PRKN: variants seen among roughly 807,000 people sequenced by gnomAD.
PRKN encodes parkin RBR E3 ubiquitin protein ligase, also known as E3 ubiquitin-protein ligase parkin.
A neutral mutation model predicts 59.5 loss-of-function variants in PRKN; 56 were observed. That is an observed-to-expected ratio of 0.94 (90% CI 0.76 to 1.18). The LOEUF is 1.18. PRKN is among the 50% of genes most tolerant of loss of function. The pLI is 0.00. For synonymous variants in PRKN, 250 were observed against 222.1 expected, an observed-to-expected ratio of 1.13 and a Z score of -1.12; for missense variants, 657 against 596.4, an observed-to-expected ratio of 1.10 and a Z score of -1.06.
intron 3 of PRKN, among the ~76,000 whole-genome samples, chr6:162,223,525 G>C (rs1778024778): frequency 6.6e-6 from 1 of 151,592 alleles, no homozygotes; most frequent in Non-Finnish European, 1.5e-5. Context: ...TCTACAGGCT[G>C]GTATTTGACT....
At chr6:162,099,164 T>G (rs568903756) in intron 4 of PRKN, among the ~76,000 whole-genome samples, 1 of 152,300 alleles carries the variant, frequency 6.6e-6, no homozygotes, top group East Asian at 1.9e-4. Flanking sequence ...TCCTTTAAAT[T>G]CAGCTTGAGG....
chr6:161,946,414 A>ACTCTCTCT (rs61537965), intron 6 of PRKN, among the ~76,000 whole-genome samples: 40 of 114,438 alleles, frequency 3.5e-4, no homozygotes, highest in East Asian at 2.7e-3. Flanking sequence ...ACACACACAC[A>ACTCTCTCT]CTCTCTCTCT....
chr6:161,740,524 C>T (rs999055574), intron 7 of PRKN, among the ~76,000 whole-genome samples: 2 of 152,236 alleles, frequency 1.3e-5, no homozygotes, highest in African/African-American at 2.4e-5. Context: ...GCACTGCTCC[C>T]ATGTAGGTGG....
chr6:161,610,707 G>C (rs1782457064), intron 7 of PRKN, among the ~76,000 whole-genome samples: 1 of 152,080 alleles, frequency 6.6e-6, no homozygotes, highest in African/African-American at 2.4e-5. Flanking sequence ...GGGTGGTCCA[G>C]GGAGGATGTG....
chr6:161,652,759 T>A (rs1784196756), intron 7 of PRKN, among the ~76,000 whole-genome samples: 1 of 152,228 alleles, frequency 6.6e-6, no homozygotes, highest in South Asian at 2.1e-4. Context: ...AATTACTTAT[T>A]GCATGCTAGA....
At chr6:161,893,598 T>G (rs1040965830) in intron 6 of PRKN, among the ~76,000 whole-genome samples, 1 of 152,194 alleles carries the variant, frequency 6.6e-6, no homozygotes, top group Non-Finnish European at 1.5e-5. Context: ...AGCCTCAGTT[T>G]CTACATGTAA....
intron 2 of PRKN, among the ~76,000 whole-genome samples, chr6:162,388,695 G>A (rs1245719889): frequency 3.9e-5 from 6 of 152,106 alleles, no homozygotes; most frequent in African/African-American, 1.2e-4. Flanking sequence ...TACTGTGCTC[G>A]GGGAGGGACA....
chr6:161,790,140 G>C (rs555039146), intron 6 of PRKN, among the ~76,000 whole-genome samples: 1 of 152,314 alleles, frequency 6.6e-6, no homozygotes, highest in South Asian at 2.1e-4. Flanking sequence ...GAATTATTGA[G>C]TCAGGATGGA....
rs1253390537 is a variant in PRKN at position 161,376,427 on chromosome 6, C to T, written c.1167+10367G>A. 6.6e-6 allele frequency among the ~76,000 whole-genome samples: 1 copy of T among 152,224 alleles called. No individual in the cohort carries two copies. ...TCCAGCCAATGGCACCACCATCGTT[C>T]TAAGCTAGACATTCATGCATCAACA... On this transcript the variant is annotated intron_variant, in intron 10 of 11. Coordinates refer to ENST00000366898, the MANE Select transcript of PRKN (RefSeq NM_004562.3). The surrounding 1 kb of genome is among the most constrained non-coding windows in gnomAD (Gnocchi z 7.3).
At chr6:161,597,605 C>A (rs1781961298) in intron 7 of PRKN, among the ~76,000 whole-genome samples, 1 of 150,206 alleles carries the variant, frequency 6.7e-6, no homozygotes, top group Non-Finnish European at 1.5e-5. Context: ...GCCCTCCACC[C>A]CCGACTCTCT....
At chr6:161,421,992 T>C (rs1231448854) in intron 9 of PRKN, among the ~76,000 whole-genome samples, 1 of 152,158 alleles carries the variant, frequency 6.6e-6, no homozygotes, top group African/African-American at 2.4e-5. Flanking sequence ...TGGATTTCTA[T>C]GTAGCATTTC....
chr6:162,591,493 T>C (rs960706499), intron 1 of PRKN, among the ~76,000 whole-genome samples: 18 of 152,154 alleles, frequency 1.2e-4, no homozygotes, highest in African/African-American at 2.4e-5. Flanking sequence ...CAAGTATTCT[T>C]AAACGATGCA....
At chr6:162,635,411 T>C (rs1777671464) in intron 1 of PRKN, among the ~76,000 whole-genome samples, 1 of 152,234 alleles carries the variant, frequency 6.6e-6, no homozygotes, top group Non-Finnish European at 1.5e-5. Flanking sequence ...ATCACCAATG[T>C]GATTATATGG....
intron 7 of PRKN, among the ~76,000 whole-genome samples, chr6:161,765,900 C>A (rs914884693): frequency 6.6e-6 from 1 of 152,136 alleles, no homozygotes; most frequent in Non-Finnish European, 1.5e-5. Flanking sequence ...TAGGGAGTAA[C>A]AAATCAAAAA....
rs139222571 is a variant in PRKN, at chr6:161,458,295, G to A, written c.1084-71418C>T. Reference sequence around the variant, plus strand: ...AATCATGATCATTATTGGAGAATATGATTGAAATTTTAATTATTAAGTAGG... The same window carrying A: ...AATCATGATCATTATTGGAGAATATAATTGAAATTTTAATTATTAAGTAGG... On this transcript the variant is annotated intron_variant, in intron 9 of 11. Coordinates refer to ENST00000366898, the MANE Select transcript of PRKN (RefSeq NM_004562.3). This position sits in a 1 kb window ranked among gnomAD's most constrained non-coding sequence, Gnocchi z 6.1. Among the ~76,000 whole-genome samples the A allele has an allele frequency of 3.7e-4, 57 of 152,196 alleles. No homozygotes were observed. Among genetic ancestry groups the A allele is most frequent in the African/African-American group, 1.3e-3 (56 of 41,534 alleles).
chr6:162,548,900 C>T (rs1478739426), intron 1 of PRKN, among the ~76,000 whole-genome samples: 1 of 152,142 alleles, frequency 6.6e-6, no homozygotes, highest in Admixed American at 6.5e-5. Flanking sequence ...CCTTATCTTC[C>T]TGCTGACTAA....
intron 2 of PRKN, among the ~76,000 whole-genome samples, chr6:162,340,147 T>TA (rs11355851): frequency 0.1 from 14,573 of 144,484 alleles, 1,703 homozygotes; most frequent in African/African-American, 0.28. Flanking sequence ...AAAAATAAAT[T>TA]AAAAAAAAAA....
chr6:162,228,748 T>C (rs1441322646), intron 3 of PRKN, among the ~76,000 whole-genome samples: 4 of 152,170 alleles, frequency 2.6e-5, no homozygotes, highest in Admixed American at 2.6e-4. Context: ...CAGAGTCCAA[T>C]ATTGCACTTT....
chr6:162,387,547 CACACACACAGAGAGAG>C (rs1296923213), intron 2 of PRKN, among the ~76,000 whole-genome samples: 7 of 75,868 alleles, frequency 9.2e-5, no homozygotes, highest in Non-Finnish European at 1.4e-4. Context: ...CACACACACA[CACACACACAGAGAGAG>C]AGAGAGAGAG....
Sources: allele counts gnomAD v4.1 joint callset (sites outside exome capture counted in the v4.1 genomes callset), GRCh38; gene constraint gnomAD v4.1.1; non-coding constraint Gnocchi (gnomAD v3.1); transcripts MANE v1.5; gene names NCBI Gene and HGNC (gene_info 2026-07-23, HGNC 2026-07-21).